The following RARB variants were observed in gnomAD, a reference collection of about 807,000 sequenced individuals.
RARB encodes the protein HBV-activated protein.
Under a neutral mutation model 51.9 loss-of-function variants are expected in RARB, and 17 were observed. The observed-to-expected ratio is 0.33, with a 90% CI of 0.22 to 0.49. The LOEUF (loss-of-function observed/expected upper bound fraction) is 0.49. RARB is among the 20% of genes least tolerant of loss of function. RARB has a pLI of 0.99. For synonymous variants in RARB, 215 were observed against 195.4 expected, an observed-to-expected ratio of 1.10 and a Z score of -0.84; for missense variants, 369 against 550.8, an observed-to-expected ratio of 0.67 and a Z score of 3.30.
At chr3:24,996,883 C>T (rs193102881) in intron 2 of RARB, among the ~76,000 whole-genome samples, 5 of 152,104 alleles carry the variant, frequency 3.3e-5, no homozygotes, top group Admixed American at 3.3e-4. Flanking sequence ...AACATATAGC[C>T]AGTCCTGGAG....
chr3:25,216,134 C>T (rs1019807524), intron 5 of RARB, among the ~76,000 whole-genome samples: 1 of 152,058 alleles, frequency 6.6e-6, no homozygotes, highest in African/African-American at 2.4e-5. Context: ...TAAAGGTGGA[C>T]ACCTCAAACC....
At chr3:25,358,051 A>G (rs903067106) in intron 5 of RARB, among the ~76,000 whole-genome samples, 11 of 152,306 alleles carry the variant, frequency 7.2e-5, no homozygotes, top group South Asian at 2.1e-4. Flanking sequence ...GAAGAAAGTC[A>G]ATAGTAGCTT....
At chr3:25,262,454 G>A (rs958739340) in intron 5 of RARB, among the ~76,000 whole-genome samples, 1 of 152,114 alleles carries the variant, frequency 6.6e-6, no homozygotes, top group Non-Finnish European at 1.5e-5. Flanking sequence ...ATCTAATATG[G>A]ATCTCATTGG....
intron 3 of RARB, among the ~76,000 whole-genome samples, chr3:25,526,048 T>C (rs1698632665): frequency 6.6e-6 from 1 of 152,124 alleles, no homozygotes; most frequent in African/African-American, 2.4e-5. Context: ...TAATTAACAA[T>C]CAAGCTGTGA....
chr3:25,122,063 G>C (rs1699793149), intron 3 of RARB, among the ~76,000 whole-genome samples: 2 of 152,104 alleles, frequency 1.3e-5, no homozygotes, highest in Non-Finnish European at 2.9e-5. Flanking sequence ...GTATCAGTTA[G>C]GATAATGTTA....
intron 2 of RARB, among the ~76,000 whole-genome samples, chr3:24,927,612 C>A (rs1384108966): frequency 5.9e-5 from 9 of 152,018 alleles, no homozygotes; most frequent in Admixed American, 5.9e-4. Flanking sequence ...AAGCCTGTTG[C>A]TTTTAAAGTT....
rs188925869 is a variant in RARB at position 25,234,511 on chromosome 3, C to T, written c.178+59936C>T. On this transcript the variant is annotated intron_variant, in intron 5 of 11. Transcript: ENST00000383772. The stretch of plus-strand genomic sequence containing the variant: ...TAGATTTTCTGTTTCAAATTTTATT[C>T]TATTCTATTCTTCTATCTATATCAT... 6.6e-5 allele frequency among the ~76,000 whole-genome samples: 10 copies of T among 152,080 alleles called. No homozygotes were observed. The East Asian group carries it at 1.9e-3, about 29-fold the overall frequency.
rs74744790 is a variant in RARB, at chr3:25,483,749, T to G, written c.307-17433T>G. ...ATAATGTCAGCAGCACAAACTGTGT[T>G]CATTCTCCATGTTAGTTAATGGCTA... On this transcript the variant is annotated intron_variant, in intron 2 of 7. Coordinates refer to ENST00000330688, the MANE Select transcript of RARB (RefSeq NM_000965.5). 6.6e-3 allele frequency among the ~76,000 whole-genome samples: 1,011 copies of G among 152,310 alleles called. 25 individuals are homozygous for G. In the East Asian group the frequency reaches 0.072, roughly 11 times the overall value.
intron 3 of RARB, among the ~76,000 whole-genome samples, chr3:25,122,533 G>A (rs891105338): frequency 6.6e-6 from 1 of 152,110 alleles, no homozygotes; most frequent in Non-Finnish European, 1.5e-5. Context: ...AGGCTGGCTT[G>A]TGGGTGTGTC....
At chr3:24,974,639 C>T (rs1401481125) in intron 2 of RARB, among the ~76,000 whole-genome samples, 1 of 151,870 alleles carries the variant, frequency 6.6e-6, no homozygotes, top group East Asian at 1.9e-4. Flanking sequence ...TCATTAGGCT[C>T]CTAATATAGT....
At chr3:25,542,115 GATCAGCTAATGCT>G (rs1249991537) in intron 3 of RARB, among the ~76,000 whole-genome samples, 2 of 152,356 alleles carry the variant, frequency 1.3e-5, no homozygotes, top group East Asian at 1.9e-4. Context: ...AATTAGTAGT[GATCAGCTAATGCT>G]ATCAGCTAAT....
chr3:24,997,812 A>AT (rs1461346557), intron 2 of RARB, among the ~76,000 whole-genome samples: 1 of 152,154 alleles, frequency 6.6e-6, no homozygotes, highest in Non-Finnish European at 1.5e-5. Flanking sequence ...AAAAATGTAG[A>AT]TTTTCTAAAT....
intron 5 of RARB, among the ~76,000 whole-genome samples, chr3:25,241,462 C>T (rs1034758254): frequency 6.6e-6 from 1 of 152,184 alleles, no homozygotes; most frequent in African/African-American, 2.4e-5. Flanking sequence ...TATGCCTCCC[C>T]TTCCCTGCCA....
chr3:25,375,526 T>C (rs113428607), intron 5 of RARB, among the ~76,000 whole-genome samples: 11 of 152,324 alleles, frequency 7.2e-5, no homozygotes, highest in African/African-American at 2.4e-4. Context: ...TCACTATTTG[T>C]TGGGATTGAA....
At chr3:25,573,259 T>G (rs1375590783) in intron 4 of RARB, among the ~76,000 whole-genome samples, 1 of 152,108 alleles carries the variant, frequency 6.6e-6, no homozygotes, top group Admixed American at 6.5e-5. Context: ...CCAATTCTAG[T>G]CTCAGCCTCG....
chr3:24,871,259 T>C (rs1224862326), intron 2 of RARB, among the ~76,000 whole-genome samples: 1 of 152,166 alleles, frequency 6.6e-6, no homozygotes, highest in African/African-American at 2.4e-5. Flanking sequence ...ATTTTTATTT[T>C]AGTTGTTGAT....
rs141897039 is a variant in RARB at position 25,261,772 on chromosome 3, C to T, written c.178+87197C>T. On this transcript the variant is annotated intron_variant, in intron 5 of 11. Transcript: ENST00000383772. ...TCACCTACTCTAGAAATGCAGAGGTCATTCTGGATTCTTTCTTTACCTTCA... is the reference window on the plus strand; with the variant it reads ...TCACCTACTCTAGAAATGCAGAGGTTATTCTGGATTCTTTCTTTACCTTCA... Among the ~76,000 whole-genome samples, 324 of 152,260 alleles carry T rather than the reference C, an allele frequency of 2.1e-3. 1 individual carries two copies. The highest frequency in any genetic ancestry group is 6.0e-3 in the African/African-American group (250 of 41,564).
chr3:25,318,496 T>C (rs1428133610), intron 5 of RARB, among the ~76,000 whole-genome samples: 1 of 152,168 alleles, frequency 6.6e-6, no homozygotes, highest in Admixed American at 6.5e-5. Context: ...AAATACTGAA[T>C]AACATATTCA....
chr3:25,468,348 C>T (rs1480404805), intron 2 of RARB, among the ~76,000 whole-genome samples: 1 of 146,498 alleles, frequency 6.8e-6, no homozygotes, highest in Non-Finnish European at 1.5e-5. Flanking sequence ...TTGTTGGGTG[C>T]CTTCTGTACA....
Sources: allele counts gnomAD v4.1 joint callset (sites outside exome capture counted in the v4.1 genomes callset), GRCh38; gene constraint gnomAD v4.1.1; transcripts MANE v1.5; gene names NCBI Gene and HGNC (gene_info 2026-07-23, HGNC 2026-07-21).